Variants in TRIM14 observed in about 807,000 individuals in gnomAD.
TRIM14 encodes the protein tripartite motif-containing protein 14.
In TRIM14, 28 loss-of-function variants were observed where a neutral mutation model predicts 44.5. The ratio of observed to expected loss-of-function variants is 0.63; its 90% CI spans 0.47 to 0.86. The LOEUF (loss-of-function observed/expected upper bound fraction) is 0.86. Ranked by LOEUF, TRIM14 falls within the 40% of genes least tolerant of loss-of-function variation. The pLI is 0.00. For missense variants in TRIM14, 607 were observed against 611.1 expected (o/e 0.99, Z 0.07); for synonymous variants, 299 against 269.2 (o/e 1.11, Z -1.08).
chr9:98,046,602 C>T, the TRIM14 span, among the ~76,000 whole-genome samples: 29 of 152,126 alleles, frequency 1.9e-4, no homozygotes, highest in South Asian at 2.1e-4. Context: ...CCACCACACT[C>T]GGCTAATTTT....
At chr9:98,039,383 C>T in the TRIM14 span, among the ~76,000 whole-genome samples, 2 of 152,170 alleles carry the variant, frequency 1.3e-5, no homozygotes, top group African/African-American at 4.8e-5. Context: ...TCCAAGCTGT[C>T]CTTGTTCATT....
At chr9:98,099,452 C>CAAAAAAA (rs768209860) in intron 3 of TRIM14, among the ~76,000 whole-genome samples, 1 of 36,824 alleles carries the variant, frequency 2.7e-5, no homozygotes, top group Non-Finnish European at 5.7e-5. Context: ...AACTCCATCT[C>CAAAAAAA]AAAAAAAAAA....
rs1355334929 is a variant in TRIM14 at position 98,087,205 on chromosome 9, G to A, written c.*265C>T. On this transcript the variant is annotated 3_prime_UTR_variant, in exon 6 of 6. Transcript: ENST00000341469. The stretch of plus-strand genomic sequence containing the variant: ...GTGGGGGTATCACTTTGAAGGAACT[G>A]GATTAAAGTAGTGTAAGTGATGGTG... 1 of 755,684 alleles carries A rather than the reference G, an allele frequency of 1.3e-6. No individual in the cohort carries two copies. 46.8% of individuals were successfully genotyped at this position (755,684 alleles called of 1,614,324 possible). A position where few individuals can be genotyped will look rare whatever the true frequency, so the allele number is the denominator to read the frequency against.
intron 1 of TRIM14, among the ~76,000 whole-genome samples, chr9:98,110,518 C>G (rs1808214022): frequency 6.6e-6 from 1 of 152,136 alleles, no homozygotes; most frequent in Non-Finnish European, 1.5e-5. Context: ...CCAAAGTCTG[C>G]TCTGCACTCT....
chr9:98,107,058 T>C (rs1408540776), intron 2 of TRIM14, among the ~76,000 whole-genome samples: 1 of 152,138 alleles, frequency 6.6e-6, no homozygotes, highest in Non-Finnish European at 1.5e-5. Flanking sequence ...CACTAGCTAC[T>C]GGGGGAATGC....
chr9:98,056,407 T>C, the TRIM14 span, among the ~76,000 whole-genome samples: 1 of 148,364 alleles, frequency 6.7e-6, no homozygotes, highest in Admixed American at 6.6e-5. Flanking sequence ...TAGGGCGCGC[T>C]CTCCCCATGC....
At position 98,087,834 on chromosome 9, in the gene TRIM14, T is replaced by C. The variant is rs1825844503; in HGVS notation, c.965A>G (p.His322Arg). 15 of 1,542,374 alleles carry C rather than the reference T, an allele frequency of 9.7e-6. No individual in the cohort carries two copies. The highest frequency in any genetic ancestry group is 1.4e-5 in the African/African-American group (1 of 70,154). The stretch of plus-strand genomic sequence containing the variant: ...CTCCTGCACGTCAACCTCCCAGTAG[T>C]GGCGGCCGGTGGCGAAGCAGTCACG... ...LARDCFATGR[H>R]YWEVDVQEAG... Residue 322 changes from histidine to arginine, a missense_variant, in exon 6 of 6, where the codon CAC becomes CGC. By Grantham distance (29) the His-to-Arg change is conservative (BLOSUM62 0). Transcript: ENST00000341469.
chr9:98,079,456 G>T (rs1429520277), downstream of TRIM14, among the ~76,000 whole-genome samples: 1 of 121,732 alleles, frequency 8.2e-6, no homozygotes, highest in African/African-American at 4.2e-5. Context: ...CTTACATGTT[G>T]TTATACAGCC....
chr9:98,078,168 A>ATGGTG (rs921901811), intron 6 of TRIM14: 18 of 1,613,998 alleles, frequency 1.1e-5, no homozygotes, highest in Non-Finnish European at 1.4e-5. Context: ...GAAAGTGCTG[A>ATGGTG]TGGTGTTGGT....
At position 98,085,371 on chromosome 9, in the gene TRIM14, A is replaced by G; in HGVS notation, c.*2099T>C. ...CTTGGGCAAGTGACTCTGGGTCTCCATTTTGCCATGTGTAGAATTGGGAAA... is the reference window on the plus strand; with the variant it reads ...CTTGGGCAAGTGACTCTGGGTCTCCGTTTTGCCATGTGTAGAATTGGGAAA... On this transcript the variant is annotated 3_prime_UTR_variant, in exon 6 of 6. Coordinates refer to ENST00000341469, the MANE Select transcript of TRIM14 (RefSeq NM_014788.4). The G allele has an allele frequency of 6.6e-6, 1 of 152,340 alleles. No individual in the cohort carries two copies. Among genetic ancestry groups the G allele is most frequent in the South Asian group, 2.1e-4 (1 of 4,828 alleles). The allele number at this position is 152,340 out of a possible 1,614,324, so 9.4% of individuals were successfully genotyped here.
chr9:98,080,783 AT>A, downstream of TRIM14: 1 of 1,544,364 alleles, frequency 6.5e-7, no homozygotes, highest in Non-Finnish European at 8.7e-7. Context: ...GCAGCATGAT[AT>A]TTAATGTTAT....
intron 2 of TRIM14, among the ~76,000 whole-genome samples, chr9:98,100,744 T>A (rs577870632): frequency 6.6e-6 from 1 of 152,128 alleles, no homozygotes; most frequent in South Asian, 2.1e-4. Flanking sequence ...AAATTATATA[T>A]GGAAATGTAT....
chr9:98,056,025 C>T, the TRIM14 span, among the ~76,000 whole-genome samples: 1 of 152,258 alleles, frequency 6.6e-6, no homozygotes, highest in South Asian at 2.1e-4. Flanking sequence ...CAGGTGTGAG[C>T]CACCGCGCCC....
chr9:98,038,029 G>A, the TRIM14 span, among the ~76,000 whole-genome samples: 2 of 151,778 alleles, frequency 1.3e-5, no homozygotes, highest in Admixed American at 6.6e-5. Context: ...CAGTGCACCC[G>A]GCTCTTATTT....
At chr9:98,056,478 T>A in the TRIM14 span, among the ~76,000 whole-genome samples, 1 of 150,618 alleles carries the variant, frequency 6.6e-6, no homozygotes, top group African/African-American at 2.5e-5. Context: ...CTGCAGGGAA[T>A]GCTTGCTCCT....
At chr9:98,092,080 C>T (rs1350916819) in intron 4 of TRIM14, 79 bp from the exon 5 acceptor site, 2 of 1,094,172 alleles carry the variant, frequency 1.8e-6, no homozygotes, top group Non-Finnish European at 2.6e-6. Flanking sequence ...TACCACACAA[C>T]TGGAGATTCG....
At chr9:98,075,081 C>T (rs1829522452) in intron 6 of TRIM14, 1 of 151,048 alleles carries the variant, frequency 6.6e-6, no homozygotes, top group South Asian at 2.1e-4. Context: ...CAGGGTGGGA[C>T]AACTGCTTGA....
chr9:98,068,367 T>C (rs992883084), downstream of TRIM14, among the ~76,000 whole-genome samples: 10 of 152,126 alleles, frequency 6.6e-5, no homozygotes, highest in African/African-American at 2.4e-4. Context: ...CTCGAACTCC[T>C]GATCTCAAGT....
At chr9:98,110,332 G>A (rs953772986) in intron 1 of TRIM14, 5 of 291,322 alleles carry the variant, frequency 1.7e-5, no homozygotes, top group Non-Finnish European at 3.3e-5. Flanking sequence ...TACTTATGGA[G>A]TATTAACTGA....
Sources: allele counts gnomAD v4.1 joint callset (sites outside exome capture counted in the v4.1 genomes callset), GRCh38; gene constraint gnomAD v4.1.1; transcripts MANE v1.5; gene names NCBI Gene and HGNC (gene_info 2026-07-23, HGNC 2026-07-21).